The following AMBP variants were observed in gnomAD, a reference collection of about 807,000 sequenced individuals.
The protein encoded by AMBP is alpha-1-microglobulin/bikunin precursor.
Under a neutral mutation model 46.3 loss-of-function variants are expected in AMBP, and 37 were observed. The ratio of observed to expected loss-of-function variants is 0.80; its 90% CI spans 0.61 to 1.05. The LOEUF (loss-of-function observed/expected upper bound fraction) is 1.05. Ranked by LOEUF, AMBP falls within the 50% of genes least tolerant of loss-of-function variation. AMBP has a pLI of 0.00. For synonymous variants in AMBP, 174 were observed against 175.9 expected (o/e 0.99, Z 0.09); for missense variants, 475 against 461.2 (o/e 1.03, Z -0.27).
chr9:114,075,109 G>T, intron 2 of AMBP, 73 bp from the exon 3 acceptor site: 1 of 1,260,104 alleles, frequency 7.9e-7, no homozygotes, highest in Non-Finnish European at 1.1e-6. Context: ...CCCTCCTGCA[G>T]GGCTCTTTCC....
chr9:114,061,330 C>A lies in AMBP; in HGVS notation c.853+94G>T, dbSNP rs755424724. 2.5e-6 allele frequency: 4 copies of A among 1,575,638 alleles called. No homozygotes were observed. The Admixed American group carries it at 5.1e-5, about 20-fold the overall frequency. ...GCCTGGAGTTCTACCACTGGAATGC[C>A]CTCTGTTAGCTACCTTTTCAATTCG... On this transcript the variant is annotated intron_variant, in intron 8 of 9. Transcript: ENST00000265132.
Position 114,062,775 on chromosome 9 carries a change from GAGA to G in AMBP, c.604-20_604-18del. The G allele has an allele frequency of 6.2e-7, 1 of 1,613,220 alleles. No individual in the cohort carries two copies. Among genetic ancestry groups the G allele is most frequent in the Non-Finnish European group, 8.5e-7 (1 of 1,179,218 alleles). On this transcript the variant is annotated intron_variant, in intron 6 of 9. Coordinates refer to ENST00000265132, the MANE Select transcript of AMBP (RefSeq NM_001633.4). ...CCGGACTCTCTGCGGGGGAGAGAAA[GAGA>G]AGAAGCAGTTGCAGACTCCTTGCCG...
At chr9:114,064,813 C>T (rs566056522) in intron 6 of AMBP, among the ~76,000 whole-genome samples, 1 of 152,326 alleles carries the variant, frequency 6.6e-6, no homozygotes, top group East Asian at 1.9e-4. Flanking sequence ...TAGAATGGCT[C>T]AGCTGTGCCC....
At chr9:114,073,827 C>T (rs1451363696) in intron 4 of AMBP, among the ~76,000 whole-genome samples, 1 of 152,124 alleles carries the variant, frequency 6.6e-6, no homozygotes, top group East Asian at 1.9e-4. Flanking sequence ...GGCCTGGAGG[C>T]TCTGTAATTC....
At position 114,076,612 on chromosome 9, in the gene AMBP, G is replaced by T. The variant is rs1269595916; in HGVS notation, c.246C>A (p.Thr82=). ...EGATEAEISM[T]STRWRKGVCE... is the part of the protein sequence containing the mutation. ...CTAGTGCTCACCGCCAACGAGTGCTGGTCATGCTGATCTCCGCCTCTGTAG... is the reference window on the plus strand; with the variant it reads ...CTAGTGCTCACCGCCAACGAGTGCTTGTCATGCTGATCTCCGCCTCTGTAG... Residue 82 remains threonine, a synonymous_variant, in exon 2 of 10, where the codon ACC becomes ACA. Coordinates refer to ENST00000265132, the MANE Select transcript of AMBP (RefSeq NM_001633.4). 15 of 1,613,780 alleles carry T rather than the reference G, an allele frequency of 9.3e-6. No individual in the cohort carries two copies. The highest frequency in any genetic ancestry group is 1.3e-5 in the Non-Finnish European group (15 of 1,179,946).
chr9:114,073,604 C>CA (rs1317163338), intron 4 of AMBP, among the ~76,000 whole-genome samples: 1 of 151,124 alleles, frequency 6.6e-6, no homozygotes, highest in African/African-American at 2.4e-5. Flanking sequence ...CTCAAGTGAC[C>CA]CTCCTGCCTA....
intron 6 of AMBP, among the ~76,000 whole-genome samples, chr9:114,063,541 G>A (rs1846663347): frequency 6.6e-6 from 1 of 152,136 alleles, no homozygotes; most frequent in African/African-American, 2.4e-5. Context: ...GAAAAATCGT[G>A]GGACAAGTTA....
chr9:114,061,115 G>A lies in AMBP; in HGVS notation c.854-17C>T, dbSNP rs1300861632. On this transcript the variant is annotated splice_polypyrimidine_tract_variant and intron_variant, in intron 8 of 9. Transcript: ENST00000265132. ...TGCAGGCCGCTGTGGAGTGGAGAGA[G>A]GCATGGAACTTGAGAAACCCTTGTG... 6.2e-7 allele frequency: 1 copy of A among 1,612,434 alleles called. No individual in the cohort carries two copies. The highest frequency in any genetic ancestry group is 8.5e-7 in the Non-Finnish European group (1 of 1,179,260).
chr9:114,063,564 G>C (rs975119599), intron 6 of AMBP, among the ~76,000 whole-genome samples: 1 of 152,182 alleles, frequency 6.6e-6, no homozygotes. Flanking sequence ...TACTGCAGCT[G>C]CCAGAATTGG....
chr9:114,074,973 G>T lies in AMBP; in HGVS notation c.324C>A (p.Leu108=). The change falls in exon 3 of 10, where the codon CTC becomes CTA. Residue 108 remains leucine (L), a synonymous_variant. Transcript: ENST00000265132. The stretch of plus-strand genomic sequence containing the variant: ...CACTCCACTTACTGGATTTGTGATA[G>T]AGAAACTTCCCATCAGTATCTGTTT... The part of the protein sequence containing the change: ...YEKTDTDGKF[L]YHKSKWNITM... 1 of 1,614,040 alleles carries T rather than the reference G, an allele frequency of 6.2e-7. No individual in the cohort carries two copies. Among genetic ancestry groups the T allele is most frequent in the South Asian group, 1.1e-5 (1 of 91,066 alleles).
chr9:114,075,008 C>T lies in AMBP; in HGVS notation c.289G>A (p.Ala97Thr). The change falls in exon 3 of 10, where the codon GCT becomes ACT. Residue 97 changes from alanine (A) to threonine (T), a missense_variant. By Grantham distance (58) the Ala-to-Thr change is moderately conservative. Coordinates refer to ENST00000265132, the MANE Select transcript of AMBP (RefSeq NM_001633.4). ...CCATCAGTATCTGTTTTCTCATAAG[C>T]TCCAGACGTCTCCTCACAGACACCT... is the stretch of plus-strand genomic sequence containing the variant. ...RKGVCEETSG[A>T]YEKTDTDGKF... 1.9e-6 allele frequency: 3 copies of T among 1,614,124 alleles called. No individual in the cohort carries two copies. Among genetic ancestry groups the T allele is most frequent in the Non-Finnish European group, 2.5e-6 (3 of 1,180,004 alleles).
chr9:114,065,096 G>T (rs1480240941), intron 6 of AMBP, among the ~76,000 whole-genome samples: 1 of 152,178 alleles, frequency 6.6e-6, no homozygotes, highest in Non-Finnish European at 1.5e-5. Context: ...GGGATAATGA[G>T]CCCCATCCAG....
chr9:114,069,062 A>G (rs567601517), intron 6 of AMBP, among the ~76,000 whole-genome samples: 19 of 151,906 alleles, frequency 1.3e-4, no homozygotes, highest in Non-Finnish European at 2.6e-4. Context: ...ATTTATATAT[A>G]TACACATATA....
At chr9:114,077,090 C>T (rs539011213) in intron 1 of AMBP, among the ~76,000 whole-genome samples, 2 of 152,314 alleles carry the variant, frequency 1.3e-5, no homozygotes, top group South Asian at 4.2e-4. Flanking sequence ...TTTTACTCCT[C>T]CAATGATGGG....
intron 3 of AMBP, among the ~76,000 whole-genome samples, 182 bp downstream of exon 3, chr9:114,074,766 CAGGGAAGGAGAG>C (rs1846786559): frequency 6.7e-6 from 1 of 150,036 alleles, no homozygotes; most frequent in Admixed American, 6.6e-5. Flanking sequence ...TGGGTGGGGG[CAGGGAAGGAGAG>C]AGGGAAGGGG....
chr9:114,068,234 G>C (rs1463563852), intron 6 of AMBP, among the ~76,000 whole-genome samples: 1 of 152,040 alleles, frequency 6.6e-6, no homozygotes, highest in Non-Finnish European at 1.5e-5. Flanking sequence ...AGAATCTTTA[G>C]GACATAAATC....
At position 114,061,167 on chromosome 9, in the gene AMBP, G is replaced by A. The variant is rs948899734; in HGVS notation, c.854-69C>T. 4.5e-6 allele frequency: 7 copies of A among 1,559,526 alleles called. No homozygotes were observed. The African/African-American group carries it at 9.5e-5, about 21-fold the overall frequency. On this transcript the variant is annotated intron_variant, in intron 8 of 9. Transcript: ENST00000265132. ...CTGCTGATCAGACATACATGAGACT[G>A]CTGAGCCAGAGGGCCCTGCTCATCT...
chr9:114,074,432 A>G (rs1236387035), intron 3 of AMBP, among the ~76,000 whole-genome samples: 1 of 152,082 alleles, frequency 6.6e-6, no homozygotes, highest in Non-Finnish European at 1.5e-5. Context: ...CTATCACTCC[A>G]TCAATTTACC....
intron 6 of AMBP, among the ~76,000 whole-genome samples, chr9:114,063,919 T>C (rs1004068766): frequency 2.6e-5 from 4 of 152,154 alleles, no homozygotes; most frequent in Admixed American, 1.3e-4. Context: ...AAGAAAACTT[T>C]TTGAGTTAAA....
Sources: gnomAD v4.1 joint callset for allele counts (sites outside exome capture counted in the v4.1 genomes callset) on GRCh38, gnomAD v4.1.1 for gene constraint, MANE v1.5 for transcripts, NCBI Gene and HGNC (gene_info 2026-07-23, HGNC 2026-07-21) for gene names.